The following OFD1 variants were observed in gnomAD, a reference collection of about 807,000 sequenced individuals.
OFD1 encodes OFD1 centriole and centriolar satellite protein, also known as centriole and centriolar satellite protein OFD1.
A neutral mutation model predicts 81.4 loss-of-function variants in OFD1; 12 were observed. That is an observed-to-expected ratio of 0.15 (90% confidence interval 0.09 to 0.24). The LOEUF (loss-of-function observed/expected upper bound fraction) is 0.24, where lower values mean the gene tolerates loss of function less well. Ranked by LOEUF, OFD1 falls within the 10% of genes least tolerant of loss-of-function variation. OFD1 has a pLI of 1.00. For missense variants in OFD1, 685 were observed against 733.9 expected (o/e 0.93, Z 0.77); for synonymous variants, 256 against 263.7 (o/e 0.97, Z 0.28).
At chrX:13,749,314 G>T in intron 8 of OFD1, 113 bp from the exon 9 acceptor site, 1 of 498,681 alleles carries the variant, frequency 2.0e-6, no homozygotes, top group Middle Eastern at 4.0e-4. Flanking sequence ...AGGTGAAATT[G>T]TTATCCTAAA....
At chrX:13,744,659 G>A (rs765115873) in intron 6 of OFD1, 140 bp downstream of exon 6, 8 of 496,969 alleles carry the variant, frequency 1.6e-5, no homozygotes, top group African/African-American at 7.0e-5. Context: ...TTCATTTCTG[G>A]AATCATCTTG....
chrX:13,722,243 A>T, the OFD1 span: 17 of 103,472 alleles, frequency 1.6e-4, no homozygotes, highest in African/African-American at 6.0e-4. Context: ...AAGCAAAAGC[A>T]GCAGCAGAAG....
chrX:13,746,523 G>A, intron 7 of OFD1, 68 bp downstream of exon 7: 1 of 1,107,639 alleles, frequency 9.0e-7, no homozygotes. Flanking sequence ...CTTAACCATA[G>A]GTATATGGGA....
chrX:13,728,010 T>C, the OFD1 span, among the ~76,000 whole-genome samples: 1 of 111,935 alleles, frequency 8.9e-6, no homozygotes, highest in Non-Finnish European at 1.9e-5. Context: ...AAGAAATGGA[T>C]AAATTCCTGG....
rs1198885601 is a variant in OFD1 at position 13,769,222 on chromosome X, C to T, written c.*114C>T. ...AAACTCAATAAAAATGTGTGTAATC[C>T]AATGTGGGTTTTTTTTTCCATAATT... On this transcript the variant is annotated 3_prime_UTR_variant, in exon 23 of 23. Transcript: ENST00000340096. The T allele has an allele frequency of 1.5e-5, 9 of 617,446 alleles. No individual in the cohort carries two copies. The highest frequency in any genetic ancestry group is 2.4e-5 in the Non-Finnish European group (9 of 373,092). The allele number at this position is 617,446 out of a possible 1,213,427, so 50.9% of individuals were successfully genotyped here. A position where few individuals can be genotyped will look rare whatever the true frequency, so the allele number is the denominator to read the frequency against.
At chrX:13,746,583 AT>A (rs986386827) in intron 7 of OFD1, 128 bp downstream of exon 7, 231 of 833,393 alleles carry the variant, frequency 2.8e-4, no homozygotes, top group Non-Finnish European at 3.4e-4. Flanking sequence ...TGTTGTGCAA[AT>A]TTTTTTTTAT....
rs775685381 is a variant in OFD1 at position 13,757,748 on chromosome X, C to T, written c.1500C>T (p.Phe500=). Residue 500 remains phenylalanine, a synonymous_variant, in exon 14 of 23, where the codon TTC becomes TTT. Coordinates refer to ENST00000340096, the MANE Select transcript of OFD1 (RefSeq NM_003611.3). Reference sequence around the variant, plus strand: ...CTATAGTGGTTGAGCATGAGGAGTTCGAAAGCTGCAGGCAAGCTCTGCACA... The same window carrying T: ...CTATAGTGGTTGAGCATGAGGAGTTTGAAAGCTGCAGGCAAGCTCTGCACA... The part of the protein sequence containing the change: ...EKAIVVEHEE[F]ESCRQALHKQ... 9 of 1,210,391 alleles carry T rather than the reference C, an allele frequency of 7.4e-6. No individual in the cohort carries two copies. The South Asian group carries it at 8.8e-5, about 12-fold the overall frequency.
intron 19 of OFD1, among the ~76,000 whole-genome samples, chrX:13,764,308 A>C (rs1204414202): frequency 8.9e-6 from 1 of 112,524 alleles, no homozygotes; most frequent in Non-Finnish European, 1.9e-5. Context: ...TTTTCTATCT[A>C]CTTGTTTCCT....
chrX:13,760,646 C>G lies in OFD1; in HGVS notation c.2186C>G (p.Thr729Ser). 1 of 1,211,393 alleles carries G rather than the reference C, an allele frequency of 8.3e-7. No individual in the cohort carries two copies. The highest frequency in any genetic ancestry group is 1.1e-6 in the Non-Finnish European group (1 of 895,133). Residue 729 changes from threonine to serine, a missense_variant, in exon 16 of 23, where the codon ACT becomes AGT. Coordinates refer to ENST00000340096, the MANE Select transcript of OFD1 (RefSeq NM_003611.3). ...GCAGCCTCGAGGCTCCGCGGGGGCA[C>G]TTCCTCCAGACGCCTCTCTTCCACA... ...GSAASRLRGG[T>S]SSRRLSSTPL...
chrX:13,772,817 AG>A, downstream of OFD1: 1 of 1,080,458 alleles, frequency 9.3e-7, no homozygotes, highest in Non-Finnish European at 1.3e-6. Flanking sequence ...TCTGTACTGC[AG>A]AGCAGCTGTC....
intron 5 of OFD1, chrX:13,740,104 C>A: frequency 1.0e-6 from 1 of 961,909 alleles, no homozygotes; most frequent in Non-Finnish European, 1.3e-6. Context: ...AAGTCTGTGA[C>A]TTAATCGCCA....
chrX:13,731,768 G>A (rs753591233), upstream of OFD1, among the ~76,000 whole-genome samples: 2 of 112,255 alleles, frequency 1.8e-5, no homozygotes, highest in African/African-American at 6.5e-5. Flanking sequence ...AGGGTCTCTA[G>A]TAAGGCTTTG....
intron 12 of OFD1, 94 bp from the exon 13 acceptor site, chrX:13,756,484 T>C: frequency 1.5e-6 from 1 of 645,838 alleles, no homozygotes; most frequent in Non-Finnish European, 2.4e-6. Context: ...CTTAATTAAA[T>C]TGTGACACCA....
chrX:13,755,729 TATC>T (rs1348354899), intron 12 of OFD1, among the ~76,000 whole-genome samples: 1 of 111,891 alleles, frequency 8.9e-6, no homozygotes, highest in Non-Finnish European at 1.9e-5. Flanking sequence ...ATTTTTCACA[TATC>T]ATTGCTTCTT....
At chrX:13,741,271 C>T (rs758260493) in intron 5 of OFD1, among the ~76,000 whole-genome samples, 1 of 112,488 alleles carries the variant, frequency 8.9e-6, no homozygotes, top group Non-Finnish European at 1.9e-5. Flanking sequence ...CTATGAGTAG[C>T]AGATAGGTCA....
At chrX:13,763,619 G>C (rs2048017151) in intron 18 of OFD1, 126 bp from the exon 19 acceptor site, 1 of 522,723 alleles carries the variant, frequency 1.9e-6, no homozygotes, top group East Asian at 3.3e-5. Flanking sequence ...ATCCTGTTAG[G>C]AAAGGGCGCA....
chrX:13,744,097 T>G (rs769846670), intron 5 of OFD1, among the ~76,000 whole-genome samples: 2 of 111,345 alleles, frequency 1.8e-5, no homozygotes, highest in Admixed American at 9.6e-5. Context: ...GAGACTAGCC[T>G]GGGCAACATA....
At chrX:13,758,942 T>G (rs138742295) in intron 15 of OFD1, among the ~76,000 whole-genome samples, 1,627 of 111,360 alleles carry the variant, frequency 0.015, 32 homozygotes, top group African/African-American at 0.05. Flanking sequence ...AGTCTCCTCA[T>G]TTGTAATGGG....
intron 19 of OFD1, among the ~76,000 whole-genome samples, chrX:13,766,726 A>G (rs1413646070): frequency 9.0e-6 from 1 of 110,672 alleles, no homozygotes; most frequent in Non-Finnish European, 1.9e-5. Flanking sequence ...TTCTAAAACT[A>G]CTGTGTACAG....
Sources: gnomAD v4.1 joint callset for allele counts (sites outside exome capture counted in the v4.1 genomes callset) on GRCh38, gnomAD v4.1.1 for gene constraint, MANE v1.5 for transcripts, NCBI Gene and HGNC (gene_info 2026-07-23, HGNC 2026-07-21) for gene names.